The following WDPCP variants were observed in gnomAD, a reference collection of about 807,000 sequenced individuals.
The protein encoded by WDPCP is WD repeat-containing and planar cell polarity effector protein fritz homolog.
A neutral mutation model predicts 93.1 loss-of-function variants in WDPCP; 71 were observed. That is an observed-to-expected ratio of 0.76 (90% CI 0.63 to 0.93). WDPCP has a LOEUF of 0.93. Ranked by LOEUF, WDPCP falls within the 40% of genes least tolerant of loss-of-function variation. WDPCP has a pLI of 0.00. For missense variants in WDPCP, 844 were observed against 887.4 expected (o/e 0.95, Z 0.62); for synonymous variants, 315 against 315.0 (o/e 1.00, Z 0.00).
At chr2:63,329,877 A>G (rs1040486915) in intron 12 of WDPCP, among the ~76,000 whole-genome samples, 5 of 152,138 alleles carry the variant, frequency 3.3e-5, no homozygotes, top group African/African-American at 9.7e-5. Flanking sequence ...CACTTAGCAT[A>G]ATGTCCTCTA....
chr2:63,220,001 C>T (rs376310388), intron 14 of WDPCP, among the ~76,000 whole-genome samples: 123 of 151,060 alleles, frequency 8.1e-4, no homozygotes, highest in South Asian at 1.9e-3. Context: ...GGCTCTGTCT[C>T]CCAAAAAAAA....
At chr2:63,647,004 C>T (rs1288904014) in intron 3 of WDPCP, among the ~76,000 whole-genome samples, 2 of 152,118 alleles carry the variant, frequency 1.3e-5, no homozygotes, top group Non-Finnish European at 2.9e-5. Flanking sequence ...CTACTCCTAT[C>T]TCTTCCTCTA....
chr2:63,492,970 C>CA, intron 1 of WDPCP, 30 bp from the exon 2 acceptor site: 1 of 1,576,018 alleles, frequency 6.3e-7, no homozygotes, highest in South Asian at 1.1e-5. Context: ...AAAGAGGTGC[C>CA]AATTAATTAT....
rs917721268 is a variant in WDPCP, at chr2:63,793,062, A to C, written n.308+20560T>G. ...ACAGAATAATTTCAAAGACAATAGG[A>C]TAATGAAAATAAAACATTTTTAGAA... On this transcript the variant is annotated intron_variant and non_coding_transcript_variant, in intron 2 of 4. Transcript: ENST00000467687. Among the ~76,000 whole-genome samples the C allele has an allele frequency of 2.6e-5, 4 of 152,196 alleles. No homozygotes were observed. In the East Asian group the frequency reaches 7.7e-4, roughly 29 times the overall value.
intron 12 of WDPCP, among the ~76,000 whole-genome samples, chr2:63,340,865 C>T (rs982908446): frequency 6.6e-6 from 1 of 152,064 alleles, no homozygotes; most frequent in African/African-American, 2.4e-5. Context: ...ATTTTAAATC[C>T]AGAAGTTCCT....
intron 17 of WDPCP, among the ~76,000 whole-genome samples, chr2:63,131,447 C>T (rs1486004073): frequency 6.6e-6 from 1 of 152,144 alleles, no homozygotes; most frequent in Non-Finnish European, 1.5e-5. Flanking sequence ...AACTAATCTT[C>T]ATTAGCATAC....
chr2:63,309,011 A>T (rs1685965823), intron 13 of WDPCP, among the ~76,000 whole-genome samples: 1 of 152,222 alleles, frequency 6.6e-6, no homozygotes, highest in Non-Finnish European at 1.5e-5. Flanking sequence ...GTAGTAACTG[A>T]GGTAATCAAA....
intron 14 of WDPCP, among the ~76,000 whole-genome samples, chr2:63,194,586 C>T (rs1011374672): frequency 6.6e-6 from 1 of 151,968 alleles, no homozygotes; most frequent in Non-Finnish European, 1.5e-5. Flanking sequence ...TTGAGTTTTC[C>T]CTTCTCATCT....
intron 2 of WDPCP, among the ~76,000 whole-genome samples, chr2:63,765,443 G>T (rs1437691443): frequency 1.3e-5 from 2 of 152,148 alleles, no homozygotes; most frequent in African/African-American, 2.4e-5. Flanking sequence ...GGACTGTTCT[G>T]CCAGCAAGCA....
Position 63,492,851 on chromosome 2 carries a change from T to A in WDPCP, c.160+5A>T. The A allele has an allele frequency of 6.2e-7, 1 of 1,613,188 alleles. No homozygotes were observed. The highest frequency in any genetic ancestry group is 8.5e-7 in the Non-Finnish European group (1 of 1,179,450). On this transcript the variant is annotated splice_donor_5th_base_variant and intron_variant, in intron 2 of 17. Coordinates refer to ENST00000272321, the MANE Select transcript of WDPCP (RefSeq NM_015910.7). ...AATATTGAAATTAATCCAGAGCTCA[T>A]TTACCCGCAATGTGTAAGGTATTCT...
intron 2 of WDPCP, among the ~76,000 whole-genome samples, chr2:63,672,723 T>G (rs1710360506): frequency 7.5e-6 from 1 of 133,656 alleles, no homozygotes; most frequent in Non-Finnish European, 1.6e-5. Flanking sequence ...TTTATTTTAT[T>G]TTATTTTATT....
At chr2:63,128,638 C>T (rs1670081894) in intron 17 of WDPCP, among the ~76,000 whole-genome samples, 2 of 152,094 alleles carry the variant, frequency 1.3e-5, no homozygotes, top group African/African-American at 4.8e-5. Context: ...TAACAATTTC[C>T]CATTTCATAC....
chr2:63,812,451 T>C (rs932626592), intron 2 of WDPCP, among the ~76,000 whole-genome samples: 1 of 152,242 alleles, frequency 6.6e-6, no homozygotes, highest in South Asian at 2.1e-4. Context: ...CTGGGTCATA[T>C]GATGGTTCTG....
rs370560649 is a variant in WDPCP, at chr2:63,561,501, C to A, written c.75+26696G>T. Among the ~76,000 whole-genome samples the A allele has an allele frequency of 4.0e-5, 6 of 148,250 alleles. 1 individual carries two copies. In the South Asian group the frequency reaches 1.3e-3, roughly 32 times the overall value. On this transcript the variant is annotated intron_variant, in intron 1 of 17. Transcript: ENST00000272321. Reference sequence around the variant, plus strand: ...CAAATAATAATTAAAAAAAAAAAAGCAGTTGCAACAAAAGCAAAAATTGAC... The same window carrying A: ...CAAATAATAATTAAAAAAAAAAAAGAAGTTGCAACAAAAGCAAAAATTGAC...
At chr2:63,207,958 TAGTTATCATA>T (rs1676468517) in intron 14 of WDPCP, among the ~76,000 whole-genome samples, 1 of 152,208 alleles carries the variant, frequency 6.6e-6, no homozygotes, top group Admixed American at 6.5e-5. Context: ...TTAAATTCTC[TAGTTATCATA>T]AGCAATTGTG....
chr2:63,210,526 G>C (rs1027153043), intron 14 of WDPCP, among the ~76,000 whole-genome samples: 1 of 152,210 alleles, frequency 6.6e-6, no homozygotes, highest in African/African-American at 2.4e-5. Flanking sequence ...TTCCCACCGT[G>C]AGTGATGCAG....
intron 6 of WDPCP, among the ~76,000 whole-genome samples, chr2:63,454,623 A>T (rs1336400514): frequency 6.6e-6 from 1 of 152,220 alleles, no homozygotes; most frequent in Non-Finnish European, 1.5e-5. Context: ...TGTGGAGATA[A>T]TGAGAAAGTT....
intron 14 of WDPCP, among the ~76,000 whole-genome samples, chr2:63,249,100 G>T (rs2104699933): frequency 6.6e-6 from 1 of 152,044 alleles, no homozygotes; most frequent in South Asian, 2.1e-4. Flanking sequence ...ATGCCTTGTG[G>T]GGTGTGTGTG....
Position 63,382,060 on chromosome 2 carries a change from G to C in WDPCP, c.1470C>G (p.Asp490Glu). Residue 490 changes from aspartate (D) to glutamate (E), a missense_variant, in exon 11 of 18, where the codon GAC becomes GAG. Asp to Glu is a conservative substitution (Grantham distance 45). Coordinates refer to ENST00000272321, the MANE Select transcript of WDPCP (RefSeq NM_015910.7). Reference protein sequence around the residue: ...VFTRGQLGLIDIIFQYIHCDE... With the variant: ...VFTRGQLGLIEIIFQYIHCDE... ...CACAGTGAATGTACTGGAAGATGAT[G>C]TCTATCAGGCCCAGCTGTCCTCGAG... 6.2e-7 allele frequency: 1 copy of C among 1,613,248 alleles called. No homozygotes were observed. The highest frequency in any genetic ancestry group is 2.2e-5 in the East Asian group (1 of 44,742).
Sources: gnomAD v4.1 joint callset for allele counts (sites outside exome capture counted in the v4.1 genomes callset) on GRCh38, gnomAD v4.1.1 for gene constraint, MANE v1.5 for transcripts, NCBI Gene and HGNC (gene_info 2026-07-23, HGNC 2026-07-21) for gene names.